CHODL: variants seen among roughly 807,000 people sequenced by gnomAD.
CHODL encodes the protein transmembrane protein MT75.
CHODL carries 29 observed loss-of-function variants against 34.5 expected under a neutral mutation model. The ratio of observed to expected loss-of-function variants is 0.84; its 90% CI spans 0.63 to 1.15. The LOEUF (loss-of-function observed/expected upper bound fraction) is 1.15, where lower values mean the gene tolerates loss of function less well. CHODL is among the 50% of genes most tolerant of loss of function. The probability of loss-of-function intolerance (pLI) is 0.00; values close to 1 mark genes in which losing one functional copy is unlikely to be tolerated. For missense variants in CHODL, 332 were observed against 332.5 expected, an observed-to-expected ratio of 1.00 and a Z score of 0.01; for synonymous variants, 125 against 116.1, an observed-to-expected ratio of 1.08 and a Z score of -0.49.
intron 2 of CHODL, among the ~76,000 whole-genome samples, chr21:18,080,838 T>C (rs1485412521): frequency 6.6e-6 from 1 of 152,192 alleles, no homozygotes; most frequent in Admixed American, 6.5e-5. Context: ...TGGTTCCATA[T>C]TAATTTTATG....
chr21:18,172,652 C>G (rs2073246038), intron 2 of CHODL, among the ~76,000 whole-genome samples: 1 of 152,032 alleles, frequency 6.6e-6, no homozygotes, highest in Non-Finnish European at 1.5e-5. Flanking sequence ...TTGATTCTGA[C>G]AATTTTTACT....
intron 1 of CHODL, among the ~76,000 whole-genome samples, chr21:17,919,260 C>G (rs2063165350): frequency 6.6e-6 from 1 of 152,242 alleles, no homozygotes; most frequent in Admixed American, 6.5e-5. Context: ...CATTTCCCTT[C>G]TGTACTGCCC....
intron 2 of CHODL, among the ~76,000 whole-genome samples, chr21:18,112,576 A>G (rs2065363816): frequency 6.6e-6 from 1 of 152,208 alleles, no homozygotes; most frequent in South Asian, 2.1e-4. Flanking sequence ...CACATAGACC[A>G]ATGGAACAGA....
chr21:17,919,674 G>A (rs531339019), intron 1 of CHODL, among the ~76,000 whole-genome samples: 1 of 152,178 alleles, frequency 6.6e-6, no homozygotes, highest in East Asian at 1.9e-4. Flanking sequence ...TTAACATTTG[G>A]CTCCTTGTTA....
chr21:18,147,098 G>A (rs1337938257), intron 2 of CHODL, among the ~76,000 whole-genome samples: 1 of 152,162 alleles, frequency 6.6e-6, no homozygotes, highest in African/African-American at 2.4e-5. Flanking sequence ...TTTTAAATGT[G>A]CTACTATTCT....
At chr21:17,997,695 T>C (rs2063864035) in intron 1 of CHODL, among the ~76,000 whole-genome samples, 1 of 152,082 alleles carries the variant, frequency 6.6e-6, no homozygotes, top group Non-Finnish European at 1.5e-5. Flanking sequence ...GAGGAAAAAG[T>C]GAAAACGGAA....
chr21:18,017,937 G>T (rs535966032), intron 1 of CHODL, among the ~76,000 whole-genome samples: 12 of 152,354 alleles, frequency 7.9e-5, no homozygotes, highest in African/African-American at 2.9e-4. Flanking sequence ...GCACCACTGT[G>T]CCCTGGATGT....
At chr21:18,256,404 G>T in intron 1 of CHODL, 105 bp from the exon 2 acceptor site, 2 of 1,047,966 alleles carry the variant, frequency 1.9e-6, no homozygotes, top group Non-Finnish European at 2.7e-6. Context: ...AAGCATTTCT[G>T]GTAATGTATT....
chr21:18,233,183 A>T (rs995880515), intron 2 of CHODL, among the ~76,000 whole-genome samples: 8 of 151,580 alleles, frequency 5.3e-5, no homozygotes, highest in Non-Finnish European at 8.8e-5. Flanking sequence ...TATGAGATGG[A>T]TTGCTTTAGA....
intron 1 of CHODL, among the ~76,000 whole-genome samples, chr21:17,980,790 G>A (rs150786231): frequency 1.2e-4 from 18 of 152,314 alleles, no homozygotes; most frequent in African/African-American, 4.1e-4. Flanking sequence ...CACCGTGTGT[G>A]CATGTGATCA....
intron 2 of CHODL, among the ~76,000 whole-genome samples, chr21:18,224,676 T>C (rs148683969): frequency 0.011 from 1,744 of 152,294 alleles, 18 homozygotes; most frequent in Admixed American, 0.018. Context: ...GTTCTTCCCA[T>C]ATATATTCCA....
At chr21:17,935,636 TATAG>T (rs1397105328) in intron 1 of CHODL, among the ~76,000 whole-genome samples, 1 of 152,242 alleles carries the variant, frequency 6.6e-6, no homozygotes, top group Non-Finnish European at 1.5e-5. Context: ...AAATTAGATA[TATAG>T]ATGACATAAT....
intron 1 of CHODL, among the ~76,000 whole-genome samples, chr21:17,927,337 T>C (rs1297166921): frequency 6.6e-6 from 1 of 151,936 alleles, no homozygotes; most frequent in Non-Finnish European, 1.5e-5. Flanking sequence ...CTAGGCAGAT[T>C]ATAGATGAGG....
chr21:18,232,350 A>G (rs1251867339), intron 2 of CHODL, among the ~76,000 whole-genome samples: 3 of 152,100 alleles, frequency 2.0e-5, no homozygotes, highest in Non-Finnish European at 4.4e-5. Flanking sequence ...TGAATGACAG[A>G]AATTTATTTC....
chr21:18,134,380 A>G (rs1306300385), intron 2 of CHODL: 1 of 516,246 alleles, frequency 1.9e-6, no homozygotes, highest in Non-Finnish European at 3.9e-6. Flanking sequence ...AGGTGTTTTA[A>G]GTCAAGCTGG....
chr21:18,027,092 C>T (rs1456263643), intron 1 of CHODL, among the ~76,000 whole-genome samples: 2 of 140,976 alleles, frequency 1.4e-5, no homozygotes, highest in African/African-American at 5.4e-5. Context: ...GCCTGGACAA[C>T]ATAGTGAGAC....
intron 1 of CHODL, among the ~76,000 whole-genome samples, chr21:17,985,532 T>C (rs560184382): frequency 6.6e-6 from 1 of 152,346 alleles, no homozygotes; most frequent in South Asian, 2.1e-4. Context: ...TGGTTTTCCT[T>C]CTTTGTATGT....
chr21:17,954,811 TTC>T (rs548684681), intron 1 of CHODL, among the ~76,000 whole-genome samples: 3 of 132,174 alleles, frequency 2.3e-5, no homozygotes, highest in Non-Finnish European at 5.1e-5. Flanking sequence ...TTATTCATAA[TTC>T]TCTCTCTGTA....
At chr21:18,197,586 A>G (rs1396177006) in intron 2 of CHODL, among the ~76,000 whole-genome samples, 1 of 152,214 alleles carries the variant, frequency 6.6e-6, no homozygotes, top group Non-Finnish European at 1.5e-5. Context: ...ACTGCACTCA[A>G]CCTGGGTGAT....
Sources: gnomAD v4.1 joint callset for allele counts (sites outside exome capture counted in the v4.1 genomes callset) on GRCh38, gnomAD v4.1.1 for gene constraint, MANE v1.5 for transcripts, NCBI Gene and HGNC (gene_info 2026-07-23, HGNC 2026-07-21) for gene names.